The following GGT1 variants were observed in gnomAD, a reference collection of about 807,000 sequenced individuals.
The protein encoded by GGT1 is glutathione hydrolase 1 proenzyme.
Under a neutral mutation model 56.0 loss-of-function variants are expected in GGT1, and 21 were observed. The observed-to-expected ratio is 0.38, with a 90% CI of 0.27 to 0.54. GGT1 has a LOEUF of 0.54. Ranked by LOEUF, GGT1 falls within the 20% of genes least tolerant of loss-of-function variation. The pLI is 0.82. For missense variants in GGT1, 466 were observed against 787.0 expected, an observed-to-expected ratio of 0.59 and a Z score of 4.88; for synonymous variants, 238 against 342.6, an observed-to-expected ratio of 0.69 and a Z score of 3.37.
rs1377888714 is a variant in GGT1, at chr22:24,605,698, T to TATA, written c.-429+2171_-429+2172insATA. On this transcript the variant is annotated intron_variant, in intron 1 of 15. Transcript: ENST00000400382. Reference sequence around the variant, plus strand: ...ATATTATATAATGTGTATTATATATTTAATATTATATAATGTGTATTATAT... The same window carrying TATA: ...ATATTATATAATGTGTATTATATATTATATAATATTATATAATGTGTATTATAT... 8.4e-4 allele frequency among the ~76,000 whole-genome samples: 50 copies of TATA among 59,774 alleles called. 2 individuals carry two copies. The highest frequency in any genetic ancestry group is 2.6e-3 in the East Asian group (5 of 1,912). The allele number at this position is 59,774 out of a possible 152,430, so 39.2% of individuals were successfully genotyped here. A position where few individuals can be genotyped will look rare whatever the true frequency, so the allele number is the denominator to read the frequency against.
At chr22:24,622,300 C>T (rs960005660) in intron 9 of GGT1, among the ~76,000 whole-genome samples, 2 of 152,220 alleles carry the variant, frequency 1.3e-5, no homozygotes, top group African/African-American at 4.8e-5. Flanking sequence ...CATGGTGGCT[C>T]ACGCCTGTAA....
intron 7 of GGT1, among the ~76,000 whole-genome samples, chr22:24,619,535 C>A (rs11913428): frequency 0.032 from 4,802 of 152,158 alleles, 260 homozygotes; most frequent in African/African-American, 0.11. Flanking sequence ...CACCACTGCA[C>A]TCCAGCTGGG....
rs559840134 is a variant in GGT1 at position 24,615,155 on chromosome 22, G to A, written c.382+28G>A. On this transcript the variant is annotated intron_variant, in intron 7 of 15. Coordinates refer to ENST00000400382, the MANE Select transcript of GGT1 (RefSeq NM_001288833.2). ...AAGCCATGCGGCAGACTTGGGGCGT[G>A]GGTGCAGAGCTGGCTGAGCCACCGG... 6.6e-5 allele frequency: 103 copies of A among 1,553,608 alleles called. 1 individual carries two copies. Among genetic ancestry groups the A allele is most frequent in the Non-Finnish European group, 8.9e-5 (100 of 1,127,856 alleles).
chr22:24,623,958 C>T (rs1428891834), intron 11 of GGT1, 42 bp downstream of exon 11: 1 of 1,609,720 alleles, frequency 6.2e-7, no homozygotes, highest in Non-Finnish European at 8.5e-7. Flanking sequence ...TGGGGCCTGC[C>T]ATAGAGGCAT....
intron 7 of GGT1, among the ~76,000 whole-genome samples, chr22:24,617,274 C>A (rs1300586756): frequency 6.6e-6 from 1 of 152,122 alleles, no homozygotes; most frequent in African/African-American, 2.4e-5. Context: ...CTGTGGGGAG[C>A]TGGGGAGGCT....
chr22:24,586,162 A>G, the GGT1 span: 1 of 1,613,582 alleles, frequency 6.2e-7, no homozygotes, highest in South Asian at 1.1e-5. Flanking sequence ...GCTTGCGGGC[A>G]GTGGCCCGCG....
At chr22:24,612,199 C>G (rs2046748946) in intron 5 of GGT1, among the ~76,000 whole-genome samples, 1 of 150,220 alleles carries the variant, frequency 6.7e-6, no homozygotes, top group African/African-American at 2.4e-5. Context: ...CTGGGCCTCC[C>G]AAAGTGTTGG....
In GGT1 at chr22:24,623,869, G is replaced by A. The variant is rs1298993466; in HGVS notation, c.973G>A (p.Ala325Thr). The change falls in exon 11 of 16, where the codon GCC becomes ACC. Residue 325 changes from alanine to threonine, a missense_variant. Ala to Thr is a moderately conservative substitution (Grantham distance 58). Transcript: ENST00000400382. Reference protein sequence around the residue: ...RIVEAFRFAYAKRTLLGDPKF... With the variant: ...RIVEAFRFAYTKRTLLGDPKF... ...CGTAGAGGCTTTCCGGTTTGCCTAC[G>A]CCAAGAGGACCCTGCTTGGGGACCC... 3.1e-6 allele frequency: 5 copies of A among 1,611,676 alleles called. No individual in the cohort carries two copies. Among genetic ancestry groups the A allele is most frequent in the Admixed American group, 1.7e-5 (1 of 59,976 alleles).
chr22:24,595,263 G>T (rs550731922), intron 1 of GGT1, among the ~76,000 whole-genome samples: 96 of 152,286 alleles, frequency 6.3e-4, no homozygotes, highest in Non-Finnish European at 1.1e-3. Context: ...GCTTTTCTCT[G>T]CCTGCTTGTG....
In GGT1 at chr22:24,623,923, G is replaced by A. The variant is rs568499515; in HGVS notation, c.1020+7G>A. The stretch of plus-strand genomic sequence containing the variant: ...GTTTGTGGATGTGACTGAGGTAAGG[G>A]GCAGGGGCTGGCCCACTGTGGGTGT... On this transcript the variant is annotated splice_region_variant and intron_variant, in intron 11 of 15. Coordinates refer to ENST00000400382, the MANE Select transcript of GGT1 (RefSeq NM_001288833.2). 4.3e-6 allele frequency: 7 copies of A among 1,609,612 alleles called. No homozygotes were observed. The Admixed American group carries it at 1.0e-4, about 23-fold the overall frequency.
chr22:24,588,167 G>A, the GGT1 span: 2 of 1,441,740 alleles, frequency 1.4e-6, no homozygotes, highest in Non-Finnish European at 1.9e-6. Flanking sequence ...CCTGAGAAGG[G>A]ACCTTGGAGC....
the GGT1 span, chr22:24,589,397 C>T: frequency 1.4e-4 from 153 of 1,074,550 alleles, no homozygotes; most frequent in African/African-American, 2.5e-3. Context: ...TGGAGACCTG[C>T]GGACAGACGG....
At chr22:24,588,099 G>A in the GGT1 span, 8,206 of 802,332 alleles carry the variant, frequency 0.01, 466 homozygotes, top group African/African-American at 0.12. Flanking sequence ...CGGACCAGGT[G>A]AGGGCCTCAC....
chr22:24,589,306 AAGG>A, the GGT1 span: 69 of 1,203,466 alleles, frequency 5.7e-5, no homozygotes, highest in Non-Finnish European at 7.1e-5. Context: ...CCACCCCAGC[AAGG>A]AGGAGGGCCT....
At chr22:24,612,725 C>T (rs1361972895) in intron 5 of GGT1, among the ~76,000 whole-genome samples, 1 of 152,158 alleles carries the variant, frequency 6.6e-6, no homozygotes, top group Non-Finnish European at 1.5e-5. Context: ...CAGGGTTTCA[C>T]CATAATGGTC....
At chr22:24,586,336 C>T in the GGT1 span, 4 of 1,613,974 alleles carry the variant, frequency 2.5e-6, no homozygotes, top group Non-Finnish European at 3.4e-6. Context: ...GTTGCACGTC[C>T]TGTGTCGACA....
chr22:24,597,714 C>T (rs542354119), intron 1 of GGT1, among the ~76,000 whole-genome samples: 1 of 152,180 alleles, frequency 6.6e-6, no homozygotes, highest in East Asian at 1.9e-4. Context: ...CACAAAACAA[C>T]TGTGTTTCGC....
chr22:24,597,010 C>G (rs2147190607), intron 1 of GGT1, among the ~76,000 whole-genome samples: 1 of 136,670 alleles, frequency 7.3e-6, no homozygotes, highest in East Asian at 2.2e-4. Flanking sequence ...TTGAGACAGT[C>G]TCACTCTGTT....
chr22:24,593,153 T>A (rs1007904642), upstream of GGT1: 10 of 983,396 alleles, frequency 1.0e-5, no homozygotes, highest in East Asian at 1.1e-4. Context: ...CCCGTCCGGG[T>A]CCGAAGGCTG....
Sources: allele counts gnomAD v4.1 joint callset (sites outside exome capture counted in the v4.1 genomes callset), GRCh38; gene constraint gnomAD v4.1.1; transcripts MANE v1.5; gene names NCBI Gene and HGNC (gene_info 2026-07-23, HGNC 2026-07-21).